Variants in INVS observed in about 807,000 individuals in gnomAD.
INVS encodes inversion of embryo turning homolog.
INVS carries 86 observed loss-of-function variants against 108.8 expected under a neutral mutation model. That is an observed-to-expected ratio of 0.79 (90% CI 0.66 to 0.95). INVS has a LOEUF of 0.95. Among genes scored for constraint, INVS ranks in the 40% least tolerant of loss-of-function variants. The pLI, the probability that INVS is intolerant of heterozygous loss-of-function variation, is 0.00. For synonymous variants in INVS, 455 were observed against 473.5 expected, an observed-to-expected ratio of 0.96 and a Z score of 0.51; for missense variants, 1,169 against 1,297.4, an observed-to-expected ratio of 0.90 and a Z score of 1.52.
Position 100,130,905 on chromosome 9 carries a change from A to G in INVS, c.273+4356A>G, listed in dbSNP as rs544892407. On this transcript the variant is annotated intron_variant, in intron 3 of 16. Transcript: ENST00000262457. ...AAAGCTGATTGATCTACCTTGTAAT[A>G]CATAAGTGTTTTATAAAATATCTAT... 8 of 152,332 alleles carry G rather than the reference A, an allele frequency of 5.3e-5. No individual in the cohort carries two copies. The South Asian group carries it at 1.7e-3, about 32-fold the overall frequency. 9.4% of individuals were successfully genotyped at this position (152,332 alleles called of 1,614,324 possible).
chr9:100,262,930 G>A (rs576860930), intron 10 of INVS, among the ~76,000 whole-genome samples: 29 of 152,060 alleles, frequency 1.9e-4, no homozygotes, highest in Non-Finnish European at 3.8e-4. Flanking sequence ...TGTATTTTTA[G>A]TAGAGAAGGG....
Position 100,100,810 on chromosome 9 carries a change from T to A in INVS, c.-25+1394T>A, listed in dbSNP as rs376703371. Reference sequence around the variant, plus strand: ...ATTATATATATAATATATGTATATATAATATATATAATATATGTATATATA... The same window carrying A: ...ATTATATATATAATATATGTATATAAAATATATATAATATATGTATATATA... On this transcript the variant is annotated intron_variant, in intron 1 of 16. Transcript: ENST00000262457. Among the ~76,000 whole-genome samples, 8 of 23,940 alleles carry A rather than the reference T, an allele frequency of 3.3e-4. 1 individual carries two copies. The highest frequency in any genetic ancestry group is 1.7e-3 in the Admixed American group (2 of 1,212). 15.7% of individuals were successfully genotyped at this position (23,940 alleles called of 152,430 possible). A position where few individuals can be genotyped will look rare whatever the true frequency, so the allele number is the denominator to read the frequency against.
intron 3 of INVS, among the ~76,000 whole-genome samples, chr9:100,152,639 T>G (rs1828843404): frequency 6.6e-6 from 1 of 152,200 alleles, no homozygotes; most frequent in South Asian, 2.1e-4. Context: ...AGATAAATTT[T>G]TAGTATTTAA....
At chr9:100,273,268 G>A (rs1365952743) in intron 12 of INVS, among the ~76,000 whole-genome samples, 192 bp downstream of exon 12, 2 of 152,014 alleles carry the variant, frequency 1.3e-5, no homozygotes, top group Non-Finnish European at 2.9e-5. Context: ...GAAGGACAGA[G>A]GCCTAACCTC....
At chr9:100,214,824 T>C (rs940785236) in intron 3 of INVS, 1 of 152,196 alleles carries the variant, frequency 6.6e-6, no homozygotes, top group African/African-American at 2.4e-5. Context: ...CACTATATAT[T>C]TGTTTTGCCA....
At chr9:100,294,926 A>G (rs1401301776) in intron 14 of INVS, among the ~76,000 whole-genome samples, 1 of 152,200 alleles carries the variant, frequency 6.6e-6, no homozygotes, top group African/African-American at 2.4e-5. Context: ...TCCCCGTTAC[A>G]CAGATGAGGA....
intron 1 of INVS, among the ~76,000 whole-genome samples, chr9:100,103,756 G>C (rs1318771400): frequency 1.3e-5 from 2 of 151,922 alleles, no homozygotes; most frequent in Non-Finnish European, 2.9e-5. Flanking sequence ...TCGCTATATT[G>C]CCCAGGCTGG....
At chr9:100,254,475 T>A (rs1378623761) in intron 10 of INVS, among the ~76,000 whole-genome samples, 14 of 152,292 alleles carry the variant, frequency 9.2e-5, no homozygotes, top group African/African-American at 2.9e-4. Context: ...GGTGTTTTAA[T>A]CATGAAGTCC....
intron 3 of INVS, among the ~76,000 whole-genome samples, chr9:100,213,298 T>G (rs1409146991): frequency 6.6e-6 from 1 of 152,128 alleles, no homozygotes; most frequent in Non-Finnish European, 1.5e-5. Context: ...CATATTAGAC[T>G]ATCCATTTTA....
intron 3 of INVS, among the ~76,000 whole-genome samples, chr9:100,138,080 AT>A (rs1232747680): frequency 6.6e-6 from 1 of 152,212 alleles, no homozygotes; most frequent in African/African-American, 2.4e-5. Context: ...AGGTATAGCC[AT>A]CTAGTGACTT....
At chr9:100,229,606 T>C (rs1185148782) in intron 4 of INVS, 54 bp from the exon 5 acceptor site, 2 of 1,524,762 alleles carry the variant, frequency 1.3e-6, no homozygotes, top group South Asian at 1.1e-5. Context: ...CAATAAAAGA[T>C]TGGGGAAAGT....
intron 5 of INVS, among the ~76,000 whole-genome samples, chr9:100,235,042 G>T (rs191115449): frequency 4.7e-4 from 71 of 152,250 alleles, no homozygotes; most frequent in African/African-American, 1.6e-3. Context: ...ATGAATCTGG[G>T]TGCTCCTGTA....
intron 3 of INVS, chr9:100,176,172 C>T (rs1181485018): frequency 2.6e-6 from 1 of 379,462 alleles, no homozygotes; most frequent in Non-Finnish European, 5.1e-6. Context: ...GTTCTGCCTT[C>T]ATATCTTTGT....
At chr9:100,117,755 G>T in intron 2 of INVS, 1 of 509,880 alleles carries the variant, frequency 2.0e-6, no homozygotes, top group Non-Finnish European at 3.4e-6. Context: ...CTGAATATTT[G>T]TATTCCTCCA....
At chr9:100,231,974 G>A (rs549198355) in intron 5 of INVS, among the ~76,000 whole-genome samples, 15 of 152,288 alleles carry the variant, frequency 9.8e-5, no homozygotes, top group Middle Eastern at 3.4e-3. Context: ...CACCAACAGT[G>A]TAAAAGCATT....
At position 100,270,006 on chromosome 9, in the gene INVS, T is replaced by C. The variant is rs116502708; in HGVS notation, c.1572-2858T>C. Reference sequence around the variant, plus strand: ...CATGCCAAGTCTGCAACGTATTACATTGTTTAACAGATGAGGAAAACTGAG... The same window carrying C: ...CATGCCAAGTCTGCAACGTATTACACTGTTTAACAGATGAGGAAAACTGAG... On this transcript the variant is annotated intron_variant, in intron 11 of 16. Transcript: ENST00000262457. Among the ~76,000 whole-genome samples, 685 of 152,314 alleles carry C rather than the reference T, an allele frequency of 4.5e-3. 2 individuals carry two copies. The highest frequency in any genetic ancestry group is 0.016 in the African/African-American group (647 of 41,568).
chr9:100,172,576 C>G (rs1829574916), intron 3 of INVS, among the ~76,000 whole-genome samples: 1 of 152,190 alleles, frequency 6.6e-6, no homozygotes, highest in Non-Finnish European at 1.5e-5. Context: ...GTACTGGTCT[C>G]ATCTACTTGG....
At chr9:100,101,417 G>T (rs557203679) in intron 1 of INVS, 17 of 152,072 alleles carry the variant, frequency 1.1e-4, no homozygotes, top group Admixed American at 9.8e-4. Context: ...CTATTTTGTA[G>T]CTTCTCTCAA....
intron 3 of INVS, among the ~76,000 whole-genome samples, chr9:100,222,708 C>T (rs1220182558): frequency 6.6e-6 from 1 of 151,864 alleles, no homozygotes; most frequent in African/African-American, 2.4e-5. Context: ...GATTGAATAT[C>T]TTTAAAGGTC....
Sources: gnomAD v4.1 joint callset for allele counts (sites outside exome capture counted in the v4.1 genomes callset) on GRCh38, gnomAD v4.1.1 for gene constraint, MANE v1.5 for transcripts, NCBI Gene and HGNC (gene_info 2026-07-23, HGNC 2026-07-21) for gene names.